DAB1: variants seen among roughly 807,000 people sequenced by gnomAD.
The protein encoded by DAB1 is DAB adaptor protein 1.
Under a neutral mutation model 64.6 loss-of-function variants are expected in DAB1, and 15 were observed. That is an observed-to-expected ratio of 0.23 (90% confidence interval 0.16 to 0.36). DAB1 has a LOEUF of 0.36. Ranked by LOEUF, DAB1 falls within the 10% of genes least tolerant of loss-of-function variation. The pLI is 1.00. For missense variants in DAB1, 596 were observed against 706.7 expected (o/e 0.84, Z 1.78); for synonymous variants, 235 against 251.9 (o/e 0.93, Z 0.64).
At chr1:57,820,499 A>G (rs1652067943) in intron 6 of DAB1, among the ~76,000 whole-genome samples, 1 of 152,212 alleles carries the variant, frequency 6.6e-6, no homozygotes, top group South Asian at 2.1e-4. Flanking sequence ...GCTATTTCGA[A>G]GTCCCATCAT....
chr1:57,053,776 T>A (rs1190787100), intron 9 of DAB1, among the ~76,000 whole-genome samples: 1 of 148,658 alleles, frequency 6.7e-6, no homozygotes, highest in Non-Finnish European at 1.5e-5. Flanking sequence ...AAACCTCCGC[T>A]TCCTGGGTTT....
intron 5 of DAB1, 91 bp from the exon 6 acceptor site, chr1:57,071,732 T>A (rs1342343906): frequency 8.2e-7 from 1 of 1,220,970 alleles, no homozygotes; most frequent in Non-Finnish European, 1.1e-6. Flanking sequence ...CCCGCAGCCC[T>A]TCCTTTTTCT....
chr1:57,314,890 A>C (rs1347782642), intron 1 of DAB1, among the ~76,000 whole-genome samples: 3 of 152,174 alleles, frequency 2.0e-5, no homozygotes, highest in Non-Finnish European at 4.4e-5. Context: ...TCCATGGTTA[A>C]ATAGTTCTCA....
At chr1:57,335,044 T>A (rs1048489859) in intron 1 of DAB1, among the ~76,000 whole-genome samples, 2 of 152,174 alleles carry the variant, frequency 1.3e-5, no homozygotes, top group Non-Finnish European at 2.9e-5. Context: ...TCCACCCCAC[T>A]GCGGTCCTTT....
chr1:57,702,072 G>A (rs559049074), intron 6 of DAB1, among the ~76,000 whole-genome samples: 1 of 152,212 alleles, frequency 6.6e-6, no homozygotes, highest in Admixed American at 6.5e-5. Flanking sequence ...GAGGACATAT[G>A]TTTATGTCTT....
At chr1:58,080,302 T>C (rs1649918230) in intron 5 of DAB1, 1 of 152,208 alleles carries the variant, frequency 6.6e-6, no homozygotes, top group Admixed American at 6.5e-5. Context: ...TGTTTTTTAA[T>C]ACCCAAAGGG....
At chr1:57,478,916 G>A (rs1034846511) in intron 7 of DAB1, among the ~76,000 whole-genome samples, 16 of 151,876 alleles carry the variant, frequency 1.1e-4, no homozygotes, top group African/African-American at 3.9e-4. Flanking sequence ...CCATTCTTTT[G>A]CTAAGTCTAC....
chr1:58,528,656 G>A (rs538877765), intron 1 of DAB1, among the ~76,000 whole-genome samples: 1 of 152,242 alleles, frequency 6.6e-6, no homozygotes, highest in African/African-American at 2.4e-5. Context: ...GAATTATCCA[G>A]TCCAAAGTGT....
At chr1:58,251,994 G>C (rs1413167086) in intron 4 of DAB1, among the ~76,000 whole-genome samples, 2 of 152,160 alleles carry the variant, frequency 1.3e-5, no homozygotes, top group African/African-American at 4.8e-5. Flanking sequence ...CAGCTACCCT[G>C]GGGGTCTGGG....
intron 3 of DAB1, among the ~76,000 whole-genome samples, chr1:58,420,637 G>T (rs1374967573): frequency 6.6e-6 from 1 of 152,116 alleles, no homozygotes; most frequent in Non-Finnish European, 1.5e-5. Flanking sequence ...CAGACAAACT[G>T]AGTCCAAATC....
chr1:57,462,011 T>C (rs370256824), intron 7 of DAB1, among the ~76,000 whole-genome samples: 1 of 142,394 alleles, frequency 7.0e-6, no homozygotes, highest in East Asian at 2.2e-4. Context: ...TCGAGTGCAA[T>C]GGCACGATCT....
chr1:57,897,255 C>A (rs1466601855), intron 5 of DAB1, among the ~76,000 whole-genome samples: 1 of 152,164 alleles, frequency 6.6e-6, no homozygotes, highest in African/African-American at 2.4e-5. Flanking sequence ...ATTCTCCTTA[C>A]TCATAATATT....
intron 7 of DAB1, among the ~76,000 whole-genome samples, chr1:57,465,308 T>C (rs879935303): frequency 1.3e-5 from 2 of 152,232 alleles, no homozygotes; most frequent in Non-Finnish European, 2.9e-5. Flanking sequence ...ACACTAAATC[T>C]ATTATATTCT....
chr1:57,483,677 T>C (rs1047049397), intron 7 of DAB1, among the ~76,000 whole-genome samples: 1 of 152,068 alleles, frequency 6.6e-6, no homozygotes, highest in Non-Finnish European at 1.5e-5. Flanking sequence ...AGTGGTGCAA[T>C]CATATTAACT....
intron 6 of DAB1, among the ~76,000 whole-genome samples, chr1:57,708,977 C>T (rs1026985842): frequency 3.9e-5 from 6 of 152,060 alleles, no homozygotes; most frequent in Admixed American, 2.6e-4. Flanking sequence ...AACAATCACA[C>T]GAGGGCTCTA....
intron 5 of DAB1, among the ~76,000 whole-genome samples, chr1:58,059,073 C>A (rs1311435871): frequency 6.6e-6 from 1 of 152,230 alleles, no homozygotes; most frequent in African/African-American, 2.4e-5. Flanking sequence ...CTCAGCCCCA[C>A]CTTCTTGCTC....
rs747021990 is a variant in DAB1, at chr1:57,226,672, A to AAAAAATATATATATATAT, written c.67+64291_67+64292insATATATATATATATTTTT. ...GTCACTCAAAAGTGGTTAAAAAAAAAATATATATATATATATATATATATA... is the reference window on the plus strand; with the variant it reads ...GTCACTCAAAAGTGGTTAAAAAAAAAAAAAATATATATATATATATATATATATATATATATATATATA... On this transcript the variant is annotated intron_variant, in intron 2 of 14. Coordinates refer to ENST00000371236, the MANE Select transcript of DAB1 (RefSeq NM_001365792.1). Among the ~76,000 whole-genome samples the AAAAAATATATATATATAT allele has an allele frequency of 1.7e-3, 234 of 135,930 alleles. 1 individual carries two copies. The highest frequency in any genetic ancestry group is 6.8e-3 in the African/African-American group (220 of 32,340). 89.2% of individuals were successfully genotyped at this position (135,930 alleles called of 152,430 possible).
chr1:57,493,194 T>G (rs1644186357), intron 7 of DAB1, among the ~76,000 whole-genome samples: 1 of 151,958 alleles, frequency 6.6e-6, no homozygotes, highest in Admixed American at 6.6e-5. Context: ...CATTTTAAGT[T>G]TACAGTTCAG....
chr1:58,376,164 T>C (rs35897816), intron 3 of DAB1, among the ~76,000 whole-genome samples: 1 of 150,484 alleles, frequency 6.6e-6, no homozygotes, highest in South Asian at 2.1e-4. Context: ...AGGGGTTTTT[T>C]TGTCTCTATT....
Sources: allele counts gnomAD v4.1 joint callset (sites outside exome capture counted in the v4.1 genomes callset), GRCh38; gene constraint gnomAD v4.1.1; transcripts MANE v1.5; gene names NCBI Gene and HGNC (gene_info 2026-07-23, HGNC 2026-07-21).